ZNF362: variants seen among roughly 807,000 people sequenced by gnomAD.
ZNF362 encodes the protein rotund homolog.
Under a neutral mutation model 42.9 loss-of-function variants are expected in ZNF362, and 11 were observed. That is an observed-to-expected ratio of 0.26 (90% CI 0.16 to 0.42). The LOEUF is 0.42. Ranked by LOEUF, ZNF362 falls within the 20% of genes least tolerant of loss-of-function variation. The pLI is 1.00. For missense variants in ZNF362, 362 were observed against 576.2 expected (o/e 0.63, Z 3.81); for synonymous variants, 255 against 257.3 (o/e 0.99, Z 0.09).
At position 33,266,161 on chromosome 1, in the gene ZNF362, G is replaced by T. The variant is rs1370558984; in HGVS notation, c.-88-4326G>T. On this transcript the variant is annotated intron_variant, in intron 1 of 8. Coordinates refer to ENST00000539719, the MANE Select transcript of ZNF362 (RefSeq NM_152493.3). The surrounding 1 kb of genome is among the most constrained non-coding windows in gnomAD (Gnocchi z 4.3). ...GCTGTTGCCCCTCTCTGGGGGCAGG[G>T]ATTATGTTTGAGAAACCTTTGCTCT... Among the ~76,000 whole-genome samples, 1 of 152,232 alleles carries T rather than the reference G, an allele frequency of 6.6e-6. No homozygotes were observed. The highest frequency in any genetic ancestry group is 1.5e-5 in the Non-Finnish European group (1 of 68,048).
At position 33,281,059 on chromosome 1, in the gene ZNF362, A is replaced by T. The variant is rs1557794680; in HGVS notation, c.684-528A>T. Among the ~76,000 whole-genome samples, 1 of 120,448 alleles carries T rather than the reference A, an allele frequency of 8.3e-6. No homozygotes were observed. 79.0% of individuals were successfully genotyped at this position (120,448 alleles called of 152,430 possible). On this transcript the variant is annotated intron_variant, in intron 5 of 8. Coordinates refer to ENST00000539719, the MANE Select transcript of ZNF362 (RefSeq NM_152493.3). The surrounding 1 kb of genome is among the most constrained non-coding windows in gnomAD (Gnocchi z 4.8). ...ACTCCAACCTGGGTGACAGGGTGAG[A>T]CTCTGTCTCAAACAACAACAACAAC...
At chr1:33,291,968 C>G (rs891071895) in intron 6 of ZNF362, among the ~76,000 whole-genome samples, 3 of 152,200 alleles carry the variant, frequency 2.0e-5, no homozygotes, top group Non-Finnish European at 4.4e-5. Flanking sequence ...AGATTTTGGG[C>G]TGAGACGATG....
chr1:33,165,607 C>T, the ZNF362 span: 1 of 1,544,776 alleles, frequency 6.5e-7, no homozygotes, highest in Non-Finnish European at 8.8e-7. This position sits in a 1 kb window ranked among gnomAD's most constrained non-coding sequence, Gnocchi z 4.0. Context: ...AGGGGCCATG[C>T]CTGGCCCAGG....
At chr1:33,146,056 A>G in the ZNF362 span, 1 of 364,138 alleles carries the variant, frequency 2.7e-6, no homozygotes, top group Admixed American at 3.7e-5. Flanking sequence ...GCTTTCTGGC[A>G]TAGTGGCTTC....
At position 33,294,957 on chromosome 1, in the gene ZNF362, C is replaced by G. The variant is rs1267352578; in HGVS notation, c.929C>G (p.Pro310Arg). 6.2e-7 allele frequency: 1 copy of G among 1,613,982 alleles called. No individual in the cohort carries two copies. The highest frequency in any genetic ancestry group is 8.5e-7 in the Non-Finnish European group (1 of 1,180,006). ...TACAGAATCCACACAGGCGACAGAC[C>G]CTACAAGTGCCCACATCCTGGCTGC... Reference protein sequence around the residue: ...QHTRIHTGDRPYKCPHPGCEK... With the variant: ...QHTRIHTGDRRYKCPHPGCEK... Residue 310 changes from proline (P) to arginine (R), a missense_variant, in exon 7 of 9, where the codon CCC becomes CGC. Physicochemically the swap from Pro to Arg is moderately radical, Grantham distance 103. Transcript: ENST00000539719. This position sits in a 1 kb window ranked among gnomAD's most constrained non-coding sequence, Gnocchi z 4.2.
At chr1:33,290,763 G>A (rs1418551651) in intron 6 of ZNF362, among the ~76,000 whole-genome samples, 2 of 152,154 alleles carry the variant, frequency 1.3e-5, no homozygotes, top group East Asian at 3.8e-4. Flanking sequence ...ATTCTAACTG[G>A]TGTGAGATGG....
intron 1 of ZNF362, among the ~76,000 whole-genome samples, chr1:33,264,837 T>C (rs777891355): frequency 1.7e-4 from 26 of 152,028 alleles, no homozygotes; most frequent in Non-Finnish European, 3.1e-4. Flanking sequence ...CCATAGAAGC[T>C]TGGGGGACAC....
At chr1:33,231,201 G>A in the ZNF362 span, among the ~76,000 whole-genome samples, 2 of 152,180 alleles carry the variant, frequency 1.3e-5, no homozygotes, top group Admixed American at 1.3e-4. Flanking sequence ...GAGATGAGAC[G>A]ATTGCTCAGT....
the ZNF362 span, among the ~76,000 whole-genome samples, chr1:33,144,245 C>T: frequency 2.0e-5 from 3 of 151,096 alleles, no homozygotes; most frequent in Admixed American, 2.0e-4. Context: ...TCAAGAGATT[C>T]TCCTGCCTCA....
the ZNF362 span, among the ~76,000 whole-genome samples, chr1:33,216,731 C>T: frequency 6.6e-6 from 1 of 150,610 alleles, no homozygotes; most frequent in East Asian, 2.0e-4. Flanking sequence ...TTATAGAAGG[C>T]AGGAATATAA....
chr1:33,148,952 T>C, the ZNF362 span, among the ~76,000 whole-genome samples: 3 of 152,152 alleles, frequency 2.0e-5, no homozygotes, highest in Non-Finnish European at 4.4e-5. Context: ...CAGTCCTTTC[T>C]CCCAGCCAAC....
chr1:33,231,495 C>G, the ZNF362 span, among the ~76,000 whole-genome samples: 1 of 152,108 alleles, frequency 6.6e-6, no homozygotes, highest in East Asian at 1.9e-4. Flanking sequence ...ACCCTGGGCT[C>G]CAAAAGATAC....
At chr1:33,191,972 G>A in the ZNF362 span, among the ~76,000 whole-genome samples, 72 of 152,354 alleles carry the variant, frequency 4.7e-4, no homozygotes, top group African/African-American at 1.7e-3. Flanking sequence ...TTCCAGGCAA[G>A]AGGAGGAAGC....
chr1:33,202,894 T>C, the ZNF362 span, among the ~76,000 whole-genome samples: 1 of 152,294 alleles, frequency 6.6e-6, no homozygotes, highest in African/African-American at 2.4e-5. Context: ...ACCTTAAATA[T>C]GATGTTTGGT....
At chr1:33,142,712 G>T in the ZNF362 span, 3 of 152,220 alleles carry the variant, frequency 2.0e-5, no homozygotes, top group African/African-American at 7.2e-5. Context: ...TTAAATCCCA[G>T]GGAGATCACA....
the ZNF362 span, among the ~76,000 whole-genome samples, chr1:33,194,331 T>C: frequency 6.6e-6 from 1 of 151,450 alleles, no homozygotes; most frequent in East Asian, 1.9e-4. Context: ...AGCCCAGGAG[T>C]TGGAGACCAG....
In ZNF362 at chr1:33,294,885, G is replaced by A. The variant is rs377542059; in HGVS notation, c.909-52G>A. The A allele has an allele frequency of 8.1e-6, 13 of 1,598,812 alleles. No homozygotes were observed. Among genetic ancestry groups the A allele is most frequent in the East Asian group, 2.2e-5 (1 of 44,766 alleles). On this transcript the variant is annotated intron_variant, in intron 6 of 8. Coordinates refer to ENST00000539719, the MANE Select transcript of ZNF362 (RefSeq NM_152493.3). This position sits in a 1 kb window ranked among gnomAD's most constrained non-coding sequence, Gnocchi z 4.2. ...AGAGTAAGGACTTGGGAACTGGAGC[G>A]GTCTTGGGGTGTGTGTCAGGGACTT... is the stretch of plus-strand genomic sequence containing the variant.
intron 4 of ZNF362, 49 bp downstream of exon 4, chr1:33,276,643 GGGGGC>G (rs1645951378): frequency 7.7e-7 from 1 of 1,296,170 alleles, no homozygotes; most frequent in African/African-American, 1.6e-5. Flanking sequence ...CTGGGCAGGA[GGGGGC>G]GGGCGTAGCG....
chr1:33,147,472 A>G, the ZNF362 span: 1 of 1,613,886 alleles, frequency 6.2e-7, no homozygotes, highest in South Asian at 1.1e-5. This position sits in a 1 kb window ranked among gnomAD's most constrained non-coding sequence, Gnocchi z 8.1. Flanking sequence ...CTGGATCTGG[A>G]TGCTGCCCTT....
Sources: allele counts gnomAD v4.1 joint callset (sites outside exome capture counted in the v4.1 genomes callset), GRCh38; gene constraint gnomAD v4.1.1; non-coding constraint Gnocchi (gnomAD v3.1); transcripts MANE v1.5; gene names NCBI Gene and HGNC (gene_info 2026-07-23, HGNC 2026-07-21).